The following MEF2C variants were observed in gnomAD, a reference collection of about 807,000 sequenced individuals.
The protein encoded by MEF2C is myocyte enhancer factor 2C.
A neutral mutation model predicts 50.5 loss-of-function variants in MEF2C; 6 were observed. That is an observed-to-expected ratio of 0.12 (90% CI 0.07 to 0.23). The LOEUF (loss-of-function observed/expected upper bound fraction) is 0.23. Among genes scored for constraint, MEF2C ranks in the 10% least tolerant of loss-of-function variants. MEF2C has a pLI of 1.00. For missense variants in MEF2C, 276 were observed against 605.0 expected (o/e 0.46, Z 5.70); for synonymous variants, 183 against 228.0 (o/e 0.80, Z 1.78).
chr5:88,761,534 T>C (rs1282695049), intron 3 of MEF2C, among the ~76,000 whole-genome samples: 1 of 152,204 alleles, frequency 6.6e-6, no homozygotes, highest in Non-Finnish European at 1.5e-5. Context: ...AGATTCCTCT[T>C]GCAACTAAAT....
intron 6 of MEF2C, chr5:88,746,757 G>T: frequency 2.1e-6 from 2 of 932,538 alleles, no homozygotes; most frequent in Non-Finnish European, 2.6e-6. Context: ...GGGGAAGATG[G>T]CTGAGTTTAT....
chr5:88,864,397 G>A (rs1184452057), intron 1 of MEF2C, among the ~76,000 whole-genome samples: 2 of 151,664 alleles, frequency 1.3e-5, no homozygotes, highest in African/African-American at 4.8e-5. Flanking sequence ...TACATTAAGA[G>A]CTCCCAGGCA....
chr5:88,795,539 G>A (rs931360033), intron 3 of MEF2C, among the ~76,000 whole-genome samples: 2 of 152,096 alleles, frequency 1.3e-5, no homozygotes, highest in Non-Finnish European at 2.9e-5. Flanking sequence ...GGAGATTTTG[G>A]GGTGAGACAA....
At chr5:88,726,803 GAAA>G in intron 10 of MEF2C, among the ~76,000 whole-genome samples, 1 of 152,090 alleles carries the variant, frequency 6.6e-6, no homozygotes. Context: ...CCTTGTAATA[GAAA>G]AGAGTTTTAA....
chr5:88,864,102 T>A (rs1475747783), intron 1 of MEF2C, among the ~76,000 whole-genome samples: 1 of 151,684 alleles, frequency 6.6e-6, no homozygotes, highest in Non-Finnish European at 1.5e-5. Flanking sequence ...GATTATGGGA[T>A]TACAGGCCTG....
chr5:88,790,162 C>A lies in MEF2C; in HGVS notation c.258+14436G>T, dbSNP rs181275984. The stretch of plus-strand genomic sequence containing the variant: ...TGATGTGCCTTTTATGAATGTATCA[C>A]ACTTCCAGAAAAACCTAAGACACTT... On this transcript the variant is annotated intron_variant, in intron 3 of 10. Coordinates refer to ENST00000504921, the MANE Select transcript of MEF2C (RefSeq NM_002397.5). Among the ~76,000 whole-genome samples, 46 of 152,310 alleles carry A rather than the reference C, an allele frequency of 3.0e-4. No homozygotes were observed. The East Asian group carries it at 8.5e-3, about 28-fold the overall frequency.
At chr5:88,866,617 T>C (rs1156936490) in intron 1 of MEF2C, among the ~76,000 whole-genome samples, 2 of 152,204 alleles carry the variant, frequency 1.3e-5, no homozygotes, top group Non-Finnish European at 2.9e-5. Flanking sequence ...CCAGAAAAAT[T>C]CAGTTAAAAG....
intron 6 of MEF2C, chr5:88,739,818 T>C (rs1765741570): frequency 1.8e-5 from 18 of 985,200 alleles, no homozygotes; most frequent in South Asian, 4.7e-5. Flanking sequence ...GTCAGAAATC[T>C]GGGTATGATG....
intron 1 of MEF2C, among the ~76,000 whole-genome samples, chr5:88,874,834 A>G (rs1225172345): frequency 6.6e-6 from 1 of 151,992 alleles, no homozygotes; most frequent in Non-Finnish European, 1.5e-5. Flanking sequence ...TGTTAAATCA[A>G]TAATTTAGTT....
At chr5:88,740,051 A>G (rs540381266) in intron 6 of MEF2C, 3 of 985,344 alleles carry the variant, frequency 3.0e-6, no homozygotes, top group South Asian at 9.4e-5. Context: ...ATACCCCAAG[A>G]CTATACCAAA....
intron 1 of MEF2C, among the ~76,000 whole-genome samples, chr5:88,871,537 G>T (rs1192198440): frequency 6.6e-6 from 1 of 151,916 alleles, no homozygotes; most frequent in Admixed American, 6.6e-5. Flanking sequence ...CACTAAAGGG[G>T]CATTATTCAA....
At chr5:88,847,333 G>A (rs956757991) in intron 1 of MEF2C, among the ~76,000 whole-genome samples, 5 of 152,160 alleles carry the variant, frequency 3.3e-5, no homozygotes, top group African/African-American at 4.8e-5. Flanking sequence ...AGACTTGCTC[G>A]TAGGAGACAT....
chr5:88,723,515 T>C (rs1013788390), intron 10 of MEF2C, among the ~76,000 whole-genome samples: 44 of 152,338 alleles, frequency 2.9e-4, no homozygotes, highest in African/African-American at 7.5e-4. Context: ...GTAAAAAGCT[T>C]TGGAGGTGGA....
Position 88,738,304 on chromosome 5 carries a change from A to G in MEF2C, c.638-6403T>C, listed in dbSNP as rs1051023633. On this transcript the variant is annotated intron_variant, in intron 6 of 10. Coordinates refer to ENST00000504921, the MANE Select transcript of MEF2C (RefSeq NM_002397.5). ...ATTAGCAATCGCTAACACAGTGTAT[A>G]GTATTATTTACCAACAACACAACAT... 7.1e-6 allele frequency: 7 copies of G among 985,126 alleles called. No individual in the cohort carries two copies. The African/African-American group carries it at 1.2e-4, about 17-fold the overall frequency. 61.0% of individuals were successfully genotyped at this position (985,126 alleles called of 1,614,324 possible). A position where few individuals can be genotyped will look rare whatever the true frequency, so the allele number is the denominator to read the frequency against.
intron 1 of MEF2C, among the ~76,000 whole-genome samples, chr5:88,846,525 T>C (rs1819411867): frequency 6.6e-6 from 1 of 152,170 alleles, no homozygotes; most frequent in Non-Finnish European, 1.5e-5. Context: ...TTTGTTAGCA[T>C]AAAAGAAAAT....
At chr5:88,854,697 G>A (rs1822620354) in intron 1 of MEF2C, among the ~76,000 whole-genome samples, 1 of 152,136 alleles carries the variant, frequency 6.6e-6, no homozygotes, top group Admixed American at 6.5e-5. Context: ...GATGAGTAAG[G>A]TGCAGTCTCC....
At chr5:88,739,261 A>T (rs1374304219) in intron 6 of MEF2C, 2 of 983,446 alleles carry the variant, frequency 2.0e-6, no homozygotes, top group Non-Finnish European at 2.4e-6. Context: ...ACACAGGAAA[A>T]CATTAAGCTG....
chr5:88,864,168 T>C, intron 1 of MEF2C, among the ~76,000 whole-genome samples: 1 of 150,274 alleles, frequency 6.7e-6, no homozygotes, highest in East Asian at 1.9e-4. Flanking sequence ...TTTTTAAGGC[T>C]GAATGGTATT....
At chr5:88,785,134 A>C (rs1790191988) in intron 3 of MEF2C, among the ~76,000 whole-genome samples, 1 of 152,142 alleles carries the variant, frequency 6.6e-6, no homozygotes, top group Admixed American at 6.6e-5. Flanking sequence ...GCATTACAGG[A>C]ACTGAACATA....
Sources: allele counts gnomAD v4.1 joint callset (sites outside exome capture counted in the v4.1 genomes callset), GRCh38; gene constraint gnomAD v4.1.1; transcripts MANE v1.5; gene names NCBI Gene and HGNC (gene_info 2026-07-23, HGNC 2026-07-21).